The following UPF2 variants were observed in gnomAD, a reference collection of about 807,000 sequenced individuals.
The protein encoded by UPF2 is regulator of nonsense transcripts 2.
Under a neutral mutation model 141.4 loss-of-function variants are expected in UPF2, and 17 were observed. That is an observed-to-expected ratio of 0.12 (90% CI 0.08 to 0.18). The LOEUF (loss-of-function observed/expected upper bound fraction) is 0.18, where lower values mean the gene tolerates loss of function less well. Ranked by LOEUF, UPF2 falls within the 10% of genes least tolerant of loss-of-function variation. The pLI is 1.00. For missense variants in UPF2, 1,152 were observed against 1,515.9 expected (o/e 0.76, Z 3.99); for synonymous variants, 540 against 498.0 (o/e 1.08, Z -1.12).
At chr10:11,993,553 A>G (rs539741195) in intron 8 of UPF2, among the ~76,000 whole-genome samples, 1 of 152,180 alleles carries the variant, frequency 6.6e-6, no homozygotes, top group South Asian at 2.1e-4. Flanking sequence ...AGTATTCTCT[A>G]ATCAAAATGC....
In UPF2 at chr10:11,978,977, A is replaced by AC; in HGVS notation, c.1953+79dup. 6 of 1,158,102 alleles carry AC rather than the reference A, an allele frequency of 5.2e-6. No homozygotes were observed. In the South Asian group the frequency reaches 7.0e-5, roughly 14 times the overall value. The allele number at this position is 1,158,102 out of a possible 1,614,324, so 71.7% of individuals were successfully genotyped here. ...ACTATCAAATTTCAAGAATATGCTT[A>AC]CCAACAATTACATTCTTAAAGAATC... On this transcript the variant is annotated intron_variant, in intron 9 of 21. Coordinates refer to ENST00000357604, the MANE Select transcript of UPF2 (RefSeq NM_015542.4).
intron 3 of UPF2, among the ~76,000 whole-genome samples, chr10:12,027,229 G>C (rs1044168622): frequency 4.6e-5 from 7 of 152,088 alleles, no homozygotes; most frequent in African/African-American, 9.7e-5. Context: ...AATTTTATCT[G>C]TTAGATAATC....
At position 11,929,994 on chromosome 10, in the gene UPF2, A is replaced by G. The variant is rs1480514414; in HGVS notation, c.3689-9T>C. ...AAGAGACTGCAACATTTCTGTAATT[A>G]GGAGCAAAAAAAGAGAATGCTGTTA... On this transcript the variant is annotated splice_polypyrimidine_tract_variant and intron_variant, in intron 20 of 21. Coordinates refer to ENST00000357604, the MANE Select transcript of UPF2 (RefSeq NM_015542.4). The G allele has an allele frequency of 6.2e-7, 1 of 1,614,140 alleles. No individual in the cohort carries two copies. The highest frequency in any genetic ancestry group is 8.5e-7 in the Non-Finnish European group (1 of 1,179,984).
chr10:11,939,797 G>A lies in UPF2; in HGVS notation c.3378+2868C>T, dbSNP rs1832914746. 6.6e-6 allele frequency among the ~76,000 whole-genome samples: 1 copy of A among 152,158 alleles called. No individual in the cohort carries two copies. ...CTCCCAAAGTGCTGGGATTACAGGT[G>A]TGAGCCACAGTGCCCAGCCATGTTT... On this transcript the variant is annotated intron_variant, in intron 18 of 21. Transcript: ENST00000357604. The surrounding 1 kb of genome is among the most constrained non-coding windows in gnomAD (Gnocchi z 4.8).
intron 15 of UPF2, among the ~76,000 whole-genome samples, chr10:11,949,575 G>C (rs1375186679): frequency 6.6e-6 from 1 of 152,126 alleles, no homozygotes; most frequent in Non-Finnish European, 1.5e-5. Flanking sequence ...TGAGGACAAA[G>C]AACTTGTCTT....
intron 9 of UPF2, among the ~76,000 whole-genome samples, chr10:11,976,559 G>A (rs1833509104): frequency 6.6e-6 from 1 of 152,168 alleles, no homozygotes; most frequent in African/African-American, 2.4e-5. Context: ...TTGGTTTGGG[G>A]ACTAATTTAG....
intron 19 of UPF2, among the ~76,000 whole-genome samples, chr10:11,933,324 C>T (rs1832803929): frequency 6.6e-6 from 1 of 152,214 alleles, no homozygotes; most frequent in Non-Finnish European, 1.5e-5. Context: ...CAGACCACAA[C>T]ATACCAGCGA....
chr10:11,923,670 CA>C (rs58541027), intron 21 of UPF2, among the ~76,000 whole-genome samples: 51,124 of 106,878 alleles, frequency 0.48, 11,387 homozygotes, highest in Non-Finnish European at 0.58. Flanking sequence ...GACCCCATCT[CA>C]AAAAAAAAAA....
At chr10:12,034,171 C>A (rs903250996) in intron 2 of UPF2, among the ~76,000 whole-genome samples, 1 of 152,176 alleles carries the variant, frequency 6.6e-6, no homozygotes, top group Non-Finnish European at 1.5e-5. Flanking sequence ...ATAAAACTTA[C>A]TTCACTGGGA....
At chr10:11,934,635 G>GCTGGAGT (rs1390750715) in intron 19 of UPF2, among the ~76,000 whole-genome samples, 1 of 152,172 alleles carries the variant, frequency 6.6e-6, no homozygotes, top group Non-Finnish European at 1.5e-5. Context: ...TGTCGCCCAG[G>GCTGGAGT]CTGGAGTACA....
intron 8 of UPF2, among the ~76,000 whole-genome samples, chr10:11,985,328 T>C (rs11591630): frequency 0.056 from 8,547 of 152,206 alleles, 292 homozygotes; most frequent in Non-Finnish European, 0.08. Context: ...TTATTCAACG[T>C]TAGTCCTGCT....
intron 9 of UPF2, among the ~76,000 whole-genome samples, chr10:11,973,155 T>C (rs1469945721): frequency 6.6e-6 from 1 of 152,244 alleles, no homozygotes; most frequent in Non-Finnish European, 1.5e-5. Context: ...CATTTTTTCA[T>C]GTGTCTGTTG....
intron 8 of UPF2, among the ~76,000 whole-genome samples, chr10:11,981,968 G>A (rs935473435): frequency 3.3e-5 from 5 of 151,678 alleles, no homozygotes; most frequent in African/African-American, 1.2e-4. Flanking sequence ...ACAGGTGTGC[G>A]CCACTGCGCC....
At chr10:11,974,449 T>C (rs929137308) in intron 9 of UPF2, among the ~76,000 whole-genome samples, 3 of 152,208 alleles carry the variant, frequency 2.0e-5, no homozygotes, top group African/African-American at 7.2e-5. Flanking sequence ...CATCCCTGTC[T>C]TGTGCCAGTT....
rs116548614 is a variant in UPF2, at chr10:11,982,324, G to A, written c.1845-3159C>T. On this transcript the variant is annotated intron_variant, in intron 8 of 21. Coordinates refer to ENST00000357604, the MANE Select transcript of UPF2 (RefSeq NM_015542.4). ...AAGATGGCAAAGCAACGCACTGGGA[G>A]TGAGGAGACCCAGGTATAAACTCTA... Among the ~76,000 whole-genome samples, 569 of 152,268 alleles carry A rather than the reference G, an allele frequency of 3.7e-3. 1 individual carries two copies. Among genetic ancestry groups the A allele is most frequent in the African/African-American group, 0.013 (548 of 41,564 alleles).
chr10:11,977,892 C>A (rs1833532091), intron 9 of UPF2, among the ~76,000 whole-genome samples: 1 of 152,130 alleles, frequency 6.6e-6, no homozygotes, highest in East Asian at 1.9e-4. Flanking sequence ...ACATAGAAAC[C>A]TTCCCTTACG....
chr10:11,936,413 AG>A lies in UPF2; in HGVS notation c.3546+131del. 1.1e-6 allele frequency: 1 copy of A among 941,610 alleles called. No individual in the cohort carries two copies. Among genetic ancestry groups the A allele is most frequent in the Non-Finnish European group, 1.5e-6 (1 of 685,152 alleles). The allele number at this position is 941,610 out of a possible 1,614,324, so 58.3% of individuals were successfully genotyped here. ...AAACAAAAACAAAAAAAACTATATA[AG>A]GGAAGAAATTATTCTACCACTGAAT... On this transcript the variant is annotated intron_variant, in intron 19 of 21. Transcript: ENST00000357604. The surrounding 1 kb of genome is among the most constrained non-coding windows in gnomAD (Gnocchi z 6.6).
Position 11,997,665 on chromosome 10 carries a change from C to A in UPF2, c.1844+7G>T, listed in dbSNP as rs779864615. 9 of 1,613,002 alleles carry A rather than the reference C, an allele frequency of 5.6e-6. No homozygotes were observed. The highest frequency in any genetic ancestry group is 7.6e-6 in the Non-Finnish European group (9 of 1,179,372). ...ACACTAATAAATTTCTCTTTCATAACACTTACCTTTGTCTAGGAACTATGA... is the reference window on the plus strand; with the variant it reads ...ACACTAATAAATTTCTCTTTCATAAAACTTACCTTTGTCTAGGAACTATGA... On this transcript the variant is annotated splice_region_variant and intron_variant, in intron 8 of 21. Coordinates refer to ENST00000357604, the MANE Select transcript of UPF2 (RefSeq NM_015542.4).
intron 16 of UPF2, among the ~76,000 whole-genome samples, chr10:11,945,197 A>T (rs896980515): frequency 2.0e-5 from 3 of 152,238 alleles, no homozygotes; most frequent in African/African-American, 7.2e-5. Flanking sequence ...TAGAGCTGAC[A>T]TTTAAGAGAA....
Sources: gnomAD v4.1 joint callset for allele counts (sites outside exome capture counted in the v4.1 genomes callset) on GRCh38, gnomAD v4.1.1 for gene constraint, Gnocchi (gnomAD v3.1) non-coding constraint, MANE v1.5 for transcripts, NCBI Gene and HGNC (gene_info 2026-07-23, HGNC 2026-07-21) for gene names.